Variants in NUP85 observed in about 807,000 individuals in gnomAD.
The protein encoded by NUP85 is nucleoporin 85, also known as nuclear pore complex protein Nup85.
NUP85 carries 23 observed loss-of-function variants against 92.8 expected under a neutral mutation model. The observed-to-expected ratio is 0.25, with a 90% CI of 0.18 to 0.35. The LOEUF is 0.35. Among genes scored for constraint, NUP85 ranks in the 10% least tolerant of loss-of-function variants. The pLI, the probability that NUP85 is intolerant of heterozygous loss-of-function variation, is 1.00. For missense variants in NUP85, 759 were observed against 822.8 expected, an observed-to-expected ratio of 0.92 and a Z score of 0.95; for synonymous variants, 314 against 306.9, an observed-to-expected ratio of 1.02 and a Z score of -0.24.
chr17:75,212,095 T>TGC, intron 4 of NUP85, 33 bp downstream of exon 4: 1 of 1,375,612 alleles, frequency 7.3e-7, no homozygotes. Context: ...CGCGTGTGTG[T>TGC]GTGTGTGTGT....
At position 75,233,050 on chromosome 17, in the gene NUP85, C is replaced by A. The variant is rs370352066; in HGVS notation, c.1515-8C>A. On this transcript the variant is annotated splice_polypyrimidine_tract_variant and splice_region_variant and intron_variant, in intron 15 of 18. Coordinates refer to ENST00000245544, the MANE Select transcript of NUP85 (RefSeq NM_024844.5). ...CTGCTGCTCTGATCTCTGGGCCGGG[C>A]CCTGCAGGTTCCTCAGGGATTACTG... is the stretch of plus-strand genomic sequence containing the variant. 6.2e-7 allele frequency: 1 copy of A among 1,614,018 alleles called. No individual in the cohort carries two copies.
chr17:75,206,297 T>TA (rs897218298), intron 1 of NUP85, among the ~76,000 whole-genome samples: 2 of 151,890 alleles, frequency 1.3e-5, no homozygotes, highest in Admixed American at 6.6e-5. Context: ...GTGATGTGTA[T>TA]AAAAAAAATT....
chr17:75,214,080 G>A (rs191319724), intron 5 of NUP85, among the ~76,000 whole-genome samples: 23 of 151,938 alleles, frequency 1.5e-4, no homozygotes, highest in Admixed American at 5.3e-4. Context: ...TCCTGACCTC[G>A]TGATCTGCCT....
chr17:75,213,302 T>C (rs971938827), intron 5 of NUP85, among the ~76,000 whole-genome samples, 183 bp downstream of exon 5: 3 of 152,026 alleles, frequency 2.0e-5, no homozygotes, highest in African/African-American at 7.2e-5. Context: ...GAAGTGCTTG[T>C]TAAATACTTG....
At position 75,211,989 on chromosome 17, in the gene NUP85, T is replaced by C. The variant is rs1452439719; in HGVS notation, c.291-3T>C. On this transcript the variant is annotated splice_polypyrimidine_tract_variant and splice_region_variant and intron_variant, in intron 3 of 18. Transcript: ENST00000245544. ...ATCTTGTGTGTTATTTCATTTTTTGTAGATTGGTTCGAGTGAGTAAAAACT... is the reference window on the plus strand; with the variant it reads ...ATCTTGTGTGTTATTTCATTTTTTGCAGATTGGTTCGAGTGAGTAAAAACT... 6.2e-7 allele frequency: 1 copy of C among 1,610,894 alleles called. No homozygotes were observed. Among genetic ancestry groups the C allele is most frequent in the Non-Finnish European group, 8.5e-7 (1 of 1,178,006 alleles).
intron 11 of NUP85, 61 bp downstream of exon 11, chr17:75,226,218 CGTT>C: frequency 4.2e-6 from 6 of 1,418,364 alleles, no homozygotes; most frequent in Non-Finnish European, 5.0e-6. Flanking sequence ...CACCACCTTG[CGTT>C]TCTAGAGTGG....
chr17:75,232,376 A>G (rs949936819), intron 14 of NUP85, among the ~76,000 whole-genome samples: 2 of 152,166 alleles, frequency 1.3e-5, no homozygotes, highest in Admixed American at 6.5e-5. Context: ...AGGATGACCA[A>G]GTCTGCCCCT....
intron 7 of NUP85, among the ~76,000 whole-genome samples, chr17:75,221,105 G>A (rs1171763655): frequency 1.3e-5 from 2 of 152,058 alleles, no homozygotes; most frequent in Non-Finnish European, 2.9e-5. Context: ...GGATGGTCTC[G>A]ATCTGACCTT....
At chr17:75,224,189 G>A (rs897087134) in intron 7 of NUP85, among the ~76,000 whole-genome samples, 12 of 152,008 alleles carry the variant, frequency 7.9e-5, no homozygotes, top group Non-Finnish European at 1.3e-4. Flanking sequence ...GGGACTACAG[G>A]CGCCTGCCAC....
Position 75,205,746 on chromosome 17 carries a change from C to T in NUP85, c.-16C>T, listed in dbSNP as rs764145774. 1.2e-5 allele frequency: 19 copies of T among 1,614,026 alleles called. No homozygotes were observed. The highest frequency in any genetic ancestry group is 2.2e-5 in the East Asian group (1 of 44,894). ...TTGGCGTCCGAGCGACTTCTAGGAG[C>T]CTGGGGTTCGGCGCTATGGAGGAGC... On this transcript the variant is annotated 5_prime_UTR_variant, in exon 1 of 19. Transcript: ENST00000245544.
chr17:75,221,685 T>G (rs563859433), intron 7 of NUP85, among the ~76,000 whole-genome samples: 1 of 152,290 alleles, frequency 6.6e-6, no homozygotes, highest in African/African-American at 2.4e-5. Flanking sequence ...ACACGGTTGA[T>G]GCACAGTAAA....
rs749309995 is a variant in NUP85, at chr17:75,234,648, G to A, written c.1627G>A (p.Glu543Lys). ...TTGTTTCGCCATAGGAAAGTATCGC[G>A]AGTTCCACCGTATGTACGGGGAGAA... ...DRLTFLGKYREFHRMYGEKRF... is the reference protein window; with the variant it reads ...DRLTFLGKYRKFHRMYGEKRF... The change falls in exon 17 of 19, where the codon GAG (glutamate) becomes AAG (lysine). Residue 543 changes from glutamate (E) to lysine (K), a missense_variant. By Grantham distance (56) the Glu-to-Lys change is moderately conservative. Coordinates refer to ENST00000245544, the MANE Select transcript of NUP85 (RefSeq NM_024844.5). The A allele has an allele frequency of 1.7e-5, 28 of 1,614,030 alleles. No homozygotes were observed. The highest frequency in any genetic ancestry group is 2.3e-5 in the Non-Finnish European group (27 of 1,180,008).
chr17:75,224,340 C>A (rs2075697548), intron 7 of NUP85, among the ~76,000 whole-genome samples: 1 of 152,046 alleles, frequency 6.6e-6, no homozygotes, highest in Non-Finnish European at 1.5e-5. Flanking sequence ...CCACCACGCC[C>A]AGCCCTGTAT....
chr17:75,224,737 CAGG>C (rs771793793), intron 7 of NUP85, among the ~76,000 whole-genome samples: 12 of 149,566 alleles, frequency 8.0e-5, no homozygotes, highest in African/African-American at 1.5e-4. Context: ...GAGGTTGAGA[CAGG>C]AGAATCGCTT....
chr17:75,225,855 G>A lies in NUP85; in HGVS notation c.987+26G>A, dbSNP rs577443536. On this transcript the variant is annotated intron_variant, in intron 10 of 18. Coordinates refer to ENST00000245544, the MANE Select transcript of NUP85 (RefSeq NM_024844.5). ...GTGAGTGAGCTCGGGGTGGGCAAGG[G>A]TGGGGGTAGGAGTCCTGGGGGCGCC... The A allele has an allele frequency of 3.1e-4, 494 of 1,613,588 alleles. 5 individuals are homozygous for A. The South Asian group carries it at 5.2e-3, about 17-fold the overall frequency.
In NUP85 at chr17:75,211,686, C is replaced by T. The variant is rs139520994; in HGVS notation, c.291-306C>T. On this transcript the variant is annotated intron_variant, in intron 3 of 18. Coordinates refer to ENST00000245544, the MANE Select transcript of NUP85 (RefSeq NM_024844.5). ...TGCTGGGATTACACGCCTGAGCCAC[C>T]GGGCCTGGCCAGTAAATACATTTAT... 3.0e-4 allele frequency among the ~76,000 whole-genome samples: 46 copies of T among 152,186 alleles called. No homozygotes were observed. The East Asian group carries it at 8.3e-3, about 27-fold the overall frequency.
intron 16 of NUP85, among the ~76,000 whole-genome samples, chr17:75,233,457 CAG>C (rs1201143560): frequency 9.3e-5 from 7 of 74,990 alleles, no homozygotes; most frequent in African/African-American, 3.3e-4. Flanking sequence ...TTTTTTGAGA[CAG>C]AATCTTACTC....
At chr17:75,235,230 C>T in intron 18 of NUP85, 29 bp downstream of exon 18, 2 of 1,554,792 alleles carry the variant, frequency 1.3e-6, no homozygotes, top group Non-Finnish European at 1.8e-6. Flanking sequence ...TTGATGGTTC[C>T]ACATGGAGGT....
At chr17:75,205,926 T>C in intron 1 of NUP85, 132 bp downstream of exon 1, 1 of 1,052,194 alleles carries the variant, frequency 9.5e-7, no homozygotes, top group Non-Finnish European at 1.4e-6. Flanking sequence ...GTTGCCACTT[T>C]TCCGGAGGTC....
Sources: gnomAD v4.1 joint callset for allele counts (sites outside exome capture counted in the v4.1 genomes callset) on GRCh38, gnomAD v4.1.1 for gene constraint, MANE v1.5 for transcripts, NCBI Gene and HGNC (gene_info 2026-07-23, HGNC 2026-07-21) for gene names.